LRFN2: variants seen among roughly 807,000 people sequenced by gnomAD.
LRFN2 encodes leucine-rich repeat and fibronectin type-III domain-containing protein 2.
A neutral mutation model predicts 37.3 loss-of-function variants in LRFN2; 18 were observed. The observed-to-expected ratio is 0.48, with a 90% CI of 0.33 to 0.72. The LOEUF (loss-of-function observed/expected upper bound fraction) is 0.72. Ranked by LOEUF, LRFN2 falls within the 30% of genes least tolerant of loss-of-function variation. The pLI is 0.02. For missense variants in LRFN2, 1,006 were observed against 1,060.7 expected, an observed-to-expected ratio of 0.95 and a Z score of 0.72; for synonymous variants, 556 against 466.6, an observed-to-expected ratio of 1.19 and a Z score of -2.47.
At chr6:40,510,858 G>A (rs1444126985) in intron 1 of LRFN2, among the ~76,000 whole-genome samples, 1 of 152,154 alleles carries the variant, frequency 6.6e-6, no homozygotes, top group Non-Finnish European at 1.5e-5. Flanking sequence ...TTGGGAAGAC[G>A]AGACTCACAC....
chr6:40,456,859 G>A (rs1764246072), intron 1 of LRFN2, among the ~76,000 whole-genome samples: 1 of 152,148 alleles, frequency 6.6e-6, no homozygotes, highest in South Asian at 2.1e-4. Context: ...AGCCTCAGAG[G>A]CAGCCCAACT....
intron 1 of LRFN2, among the ~76,000 whole-genome samples, chr6:40,577,397 A>G (rs1032720073): frequency 1.3e-5 from 2 of 152,016 alleles, no homozygotes; most frequent in South Asian, 4.2e-4. Flanking sequence ...CCACTGCACC[A>G]AGCCCCCAAG....
intron 1 of LRFN2, among the ~76,000 whole-genome samples, chr6:40,564,598 C>A (rs1223261214): frequency 6.6e-6 from 1 of 152,166 alleles, no homozygotes; most frequent in African/African-American, 2.4e-5. Context: ...ATCTAAATTA[C>A]CATGATCTCT....
chr6:40,491,477 T>G (rs1765095753), intron 1 of LRFN2, among the ~76,000 whole-genome samples: 2 of 152,118 alleles, frequency 1.3e-5, no homozygotes, highest in Non-Finnish European at 2.9e-5. Context: ...TGACTGTGGG[T>G]AGGTAGGCAG....
intron 1 of LRFN2, among the ~76,000 whole-genome samples, chr6:40,540,988 G>A (rs761554053): frequency 1.3e-5 from 2 of 152,236 alleles, no homozygotes; most frequent in African/African-American, 2.4e-5. Context: ...ACAAGTGCTT[G>A]TGAGCTATGC....
At chr6:40,401,593 G>C (rs555088101) in intron 2 of LRFN2, among the ~76,000 whole-genome samples, 2 of 152,250 alleles carry the variant, frequency 1.3e-5, no homozygotes, top group South Asian at 4.1e-4. Flanking sequence ...TGCCTCCCCT[G>C]ACTAACAGAC....
intron 1 of LRFN2, among the ~76,000 whole-genome samples, chr6:40,475,587 G>A (rs570989720): frequency 3.9e-5 from 6 of 152,284 alleles, no homozygotes; most frequent in South Asian, 2.1e-4. Flanking sequence ...ATGTTATGAT[G>A]TACATGGAAT....
intron 2 of LRFN2, among the ~76,000 whole-genome samples, chr6:40,427,946 A>G (rs1324802059): frequency 6.6e-6 from 1 of 152,180 alleles, no homozygotes; most frequent in Non-Finnish European, 1.5e-5. Context: ...TCCTCTCCAT[A>G]GTATTGGTCT....
rs1764530095 is a variant in LRFN2, at chr6:40,468,848, C to T, written c.-18-35717G>A. Among the ~76,000 whole-genome samples the T allele has an allele frequency of 2.0e-5, 3 of 152,040 alleles. No individual in the cohort carries two copies. In the East Asian group the frequency reaches 5.8e-4, roughly 29 times the overall value. Reference sequence around the variant, plus strand: ...TTGTAAAATGGGAATCATGTCGGCCCTATGTATCCTCCCGGTCAATTTTGA... The same window carrying T: ...TTGTAAAATGGGAATCATGTCGGCCTTATGTATCCTCCCGGTCAATTTTGA... On this transcript the variant is annotated intron_variant, in intron 1 of 2. Transcript: ENST00000338305.
rs140486089 is a variant in LRFN2 at position 40,567,336 on chromosome 6, G to A, written c.-19+19605C>T. 4.3e-3 allele frequency among the ~76,000 whole-genome samples: 656 copies of A among 152,264 alleles called. 6 individuals are homozygous for A. The highest frequency in any genetic ancestry group is 0.015 in the African/African-American group (608 of 41,548). ...AAGCTGGGAGAAAAATCAAAATGGC[G>A]GACACAGCCTGCTTCCAGCCAATAG... On this transcript the variant is annotated intron_variant, in intron 1 of 2. Transcript: ENST00000338305.
At chr6:40,402,178 C>T (rs527910296) in intron 2 of LRFN2, among the ~76,000 whole-genome samples, 5 of 152,314 alleles carry the variant, frequency 3.3e-5, no homozygotes, top group South Asian at 2.1e-4. Flanking sequence ...GTACTTACTA[C>T]GTGCCAGGAA....
At chr6:40,511,828 C>G (rs958754353) in intron 1 of LRFN2, among the ~76,000 whole-genome samples, 1 of 152,190 alleles carries the variant, frequency 6.6e-6, no homozygotes, top group African/African-American at 2.4e-5. Flanking sequence ...ATGATTCTTT[C>G]CAGTCAGAGG....
intron 1 of LRFN2, among the ~76,000 whole-genome samples, chr6:40,489,304 C>T (rs1177812548): frequency 6.6e-6 from 1 of 152,232 alleles, no homozygotes. Flanking sequence ...AATCATCACA[C>T]TTCAGAGCTG....
intron 1 of LRFN2, among the ~76,000 whole-genome samples, chr6:40,575,375 G>A (rs1266529760): frequency 6.6e-6 from 1 of 152,064 alleles, no homozygotes; most frequent in Admixed American, 6.5e-5. Flanking sequence ...TCCTGAGAGA[G>A]ACCCCATGGA....
chr6:40,481,059 C>T (rs1561872812), intron 1 of LRFN2, among the ~76,000 whole-genome samples: 3 of 152,216 alleles, frequency 2.0e-5, no homozygotes, highest in Non-Finnish European at 2.9e-5. Context: ...GAGGGAGTCA[C>T]CAATTGCTGA....
At chr6:40,407,836 C>T (rs1004121023) in intron 2 of LRFN2, 1 of 152,270 alleles carries the variant, frequency 6.6e-6, no homozygotes, top group Non-Finnish European at 1.5e-5. Flanking sequence ...CACCAGCCTC[C>T]TTGAAAATGC....
At chr6:40,418,618 C>T (rs137873860) in intron 2 of LRFN2, among the ~76,000 whole-genome samples, 1 of 152,310 alleles carries the variant, frequency 6.6e-6, no homozygotes, top group African/African-American at 2.4e-5. Context: ...ACCCTGGCTT[C>T]TCATCAGCAA....
rs79776574 is a variant in LRFN2, at chr6:40,415,933, C to T, written c.1400+15781G>A. 8.7e-3 allele frequency among the ~76,000 whole-genome samples: 1,320 copies of T among 152,266 alleles called. 6 individuals are homozygous for T. Among genetic ancestry groups the T allele is most frequent in the Non-Finnish European group, 0.014 (976 of 68,020 alleles). Reference sequence around the variant, plus strand: ...TTACAGAAAAAGAATTAGTTTTATGCCTAATAAGGATGAAGGCAGAATCTG... The same window carrying T: ...TTACAGAAAAAGAATTAGTTTTATGTCTAATAAGGATGAAGGCAGAATCTG... On this transcript the variant is annotated intron_variant, in intron 2 of 2. Transcript: ENST00000338305.
intron 1 of LRFN2, among the ~76,000 whole-genome samples, chr6:40,554,709 C>T (rs904540903): frequency 1.3e-5 from 2 of 152,108 alleles, no homozygotes; most frequent in African/African-American, 2.4e-5. Context: ...CCCAAGGAGG[C>T]CCAAAGTCTC....
Sources: allele counts gnomAD v4.1 joint callset (sites outside exome capture counted in the v4.1 genomes callset), GRCh38; gene constraint gnomAD v4.1.1; transcripts MANE v1.5; gene names NCBI Gene and HGNC (gene_info 2026-07-23, HGNC 2026-07-21).